FOXP4: variants seen among roughly 807,000 people sequenced by gnomAD.
FOXP4 encodes forkhead box P4, also known as forkhead box protein P4.
FOXP4 carries 25 observed loss-of-function variants against 82.6 expected under a neutral mutation model. The ratio of observed to expected loss-of-function variants is 0.30; its 90% CI spans 0.22 to 0.42. FOXP4 has a LOEUF of 0.42. FOXP4 is among the 10% of genes least tolerant of loss of function. The probability of loss-of-function intolerance (pLI) is 1.00; values close to 1 mark genes in which losing one functional copy is unlikely to be tolerated. For missense variants in FOXP4, 785 were observed against 900.9 expected (o/e 0.87, Z 1.65); for synonymous variants, 415 against 388.2 (o/e 1.07, Z -0.81).
Position 41,601,241 on chromosome 6 carries a change from C to T in FOXP4, c.*2305C>T, listed in dbSNP as rs1489606502. The T allele has an allele frequency of 1.4e-5, 2 of 147,380 alleles. No individual in the cohort carries two copies. Among genetic ancestry groups the T allele is most frequent in the Non-Finnish European group, 3.0e-5 (2 of 65,736 alleles). 9.1% of individuals were successfully genotyped at this position (147,380 alleles called of 1,614,324 possible). A position where few individuals can be genotyped will look rare whatever the true frequency, so the allele number is the denominator to read the frequency against. On this transcript the variant is annotated 3_prime_UTR_variant, in exon 17 of 17. Coordinates refer to ENST00000307972, the MANE Select transcript of FOXP4 (RefSeq NM_001012426.2). ...GGCTCACGGCGGAAACGGGATCATT[C>T]AACCTATACAAAGGGGACCCTGGAT...
intron 14 of FOXP4, among the ~76,000 whole-genome samples, chr6:41,595,608 T>C (rs997045272): frequency 1.1e-4 from 16 of 152,154 alleles, no homozygotes; most frequent in African/African-American, 3.4e-4. Flanking sequence ...ATTTTATTCA[T>C]TTATTTTTTT....
At chr6:41,576,576 A>G (rs1765501013) in intron 2 of FOXP4, among the ~76,000 whole-genome samples, 1 of 152,210 alleles carries the variant, frequency 6.6e-6, no homozygotes, top group Admixed American at 6.5e-5. Context: ...ATTTCGTCTA[A>G]TAAGTGCGCA....
In FOXP4 at chr6:41,571,573, CTG is replaced by C. The variant is rs529221696; in HGVS notation, c.204+5612_204+5613del. The stretch of plus-strand genomic sequence containing the variant: ...CCCACCCACGTGGGCCTGTCTGTGT[CTG>C]TGCGTTGCTGGTTTTCATTTTAATG... On this transcript the variant is annotated intron_variant, in intron 2 of 16. Transcript: ENST00000307972. 4.9e-4 allele frequency among the ~76,000 whole-genome samples: 74 copies of C among 152,338 alleles called. 1 individual carries two copies. The highest frequency in any genetic ancestry group is 4.1e-3 in the South Asian group (20 of 4,828).
At chr6:41,567,745 A>G (rs1260144676) in intron 2 of FOXP4, among the ~76,000 whole-genome samples, 2 of 152,230 alleles carry the variant, frequency 1.3e-5, no homozygotes, top group Non-Finnish European at 2.9e-5. Context: ...TGTACTGATC[A>G]GGTTTCTTGG....
At chr6:41,580,044 C>CT (rs10644693) in intron 3 of FOXP4, among the ~76,000 whole-genome samples, 25,244 of 131,888 alleles carry the variant, frequency 0.19, 2,925 homozygotes, top group African/African-American at 0.28. Context: ...AGAACTCACA[C>CT]TTTTTTTTTT....
chr6:41,576,418 T>C (rs1247171582), intron 2 of FOXP4, among the ~76,000 whole-genome samples: 3 of 152,100 alleles, frequency 2.0e-5, no homozygotes, highest in African/African-American at 7.2e-5. Context: ...TCTCTTTGCT[T>C]GTTGAGCGAT....
At position 41,565,729 on chromosome 6, in the gene FOXP4, T is replaced by C; in HGVS notation, c.-16-16T>C. 6.4e-7 allele frequency: 1 copy of C among 1,564,332 alleles called. No homozygotes were observed. The highest frequency in any genetic ancestry group is 8.7e-7 in the Non-Finnish European group (1 of 1,149,372). On this transcript the variant is annotated splice_polypyrimidine_tract_variant and intron_variant, in intron 1 of 16. Coordinates refer to ENST00000307972, the MANE Select transcript of FOXP4 (RefSeq NM_001012426.2). ...TCAGCCTCAGCCTCTCCCCTGTGTC[T>C]CTCTTCCTCCTCCAGGTACCGCTAG...
At position 41,598,578 on chromosome 6, in the gene FOXP4, C is replaced by G; in HGVS notation, c.1896-211C>G. 4.5e-6 allele frequency: 3 copies of G among 659,468 alleles called. No individual in the cohort carries two copies. The South Asian group carries it at 6.0e-5, about 13-fold the overall frequency. 40.9% of individuals were successfully genotyped at this position (659,468 alleles called of 1,614,324 possible). ...CATCTCCCCTCTGCTCCCCTCTTCT[C>G]TCCTCCCCAACCCAGAGCAGTCTCT... is the stretch of plus-strand genomic sequence containing the variant. On this transcript the variant is annotated intron_variant, in intron 16 of 16. Coordinates refer to ENST00000307972, the MANE Select transcript of FOXP4 (RefSeq NM_001012426.2).
At chr6:41,586,701 C>T (rs1337715805) in intron 5 of FOXP4, among the ~76,000 whole-genome samples, 2 of 152,184 alleles carry the variant, frequency 1.3e-5, no homozygotes, top group South Asian at 2.1e-4. Context: ...TGCACAGCTG[C>T]GGTGCAGGGA....
In FOXP4 at chr6:41,598,874, G is replaced by T. The variant is rs750671792; in HGVS notation, c.1981G>T (p.Ala661Ser). The T allele has an allele frequency of 6.2e-7, 1 of 1,601,470 alleles. No individual in the cohort carries two copies. The highest frequency in any genetic ancestry group is 2.3e-5 in the East Asian group (1 of 44,398). The change falls in exon 17 of 17, where the codon GCC becomes TCC. Residue 661 changes from alanine (A) to serine (S), a missense_variant. By Grantham distance (99) the Ala-to-Ser change is moderately conservative (BLOSUM62 1). Transcript: ENST00000307972. ...TCCCCTGGGCGCCCCTAACCCCAGC[G>T]CCTCGGGGCCTCCGGAAGACAGGGA... Reference protein sequence around the residue: ...GPPLGAPNPSASGPPEDRDLE... With the variant: ...GPPLGAPNPSSSGPPEDRDLE...
rs543564911 is a variant in FOXP4 at position 41,551,770 on chromosome 6, G to A, written c.-17+4903G>A. 7.2e-5 allele frequency among the ~76,000 whole-genome samples: 11 copies of A among 152,268 alleles called. 1 individual carries two copies. The highest frequency in any genetic ancestry group is 3.3e-4 in the Admixed American group (5 of 15,292). ...AGCAAAGGGGTGGCAAAATGATGGC[G>A]ACTTGAAGGTAGGGTGGCTTAGGGA... On this transcript the variant is annotated intron_variant, in intron 1 of 16. Transcript: ENST00000307972.
At chr6:41,569,285 G>C (rs959597664) in intron 2 of FOXP4, among the ~76,000 whole-genome samples, 2 of 152,160 alleles carry the variant, frequency 1.3e-5, no homozygotes, top group African/African-American at 4.8e-5. Flanking sequence ...AGCTGGCATT[G>C]GTGATCCCCA....
chr6:41,587,932 T>G, intron 8 of FOXP4, 35 bp downstream of exon 8: 1 of 1,162,122 alleles, frequency 8.6e-7, no homozygotes, highest in Admixed American at 2.2e-5. Flanking sequence ...CCCAGCAGCC[T>G]TTCCCCACAG....
At chr6:41,568,392 A>G (rs1765001713) in intron 2 of FOXP4, among the ~76,000 whole-genome samples, 2 of 151,972 alleles carry the variant, frequency 1.3e-5, no homozygotes, top group African/African-American at 2.4e-5. Flanking sequence ...GGCTGCGTAG[A>G]CCTCACTCTC....
chr6:41,598,580 C>T (rs1420460395), intron 16 of FOXP4: 2 of 663,578 alleles, frequency 3.0e-6, no homozygotes, highest in African/African-American at 3.7e-5. Flanking sequence ...CCTCTTCTCT[C>T]CTCCCCAACC....
At chr6:41,585,341 T>C in intron 4 of FOXP4, 90 bp from the exon 5 acceptor site, 1 of 1,326,746 alleles carries the variant, frequency 7.5e-7, no homozygotes, top group African/African-American at 1.5e-5. Flanking sequence ...GAAACTCCCT[T>C]CTCCTGCCCC....
chr6:41,548,792 C>G (rs975830043), intron 1 of FOXP4, among the ~76,000 whole-genome samples: 1 of 151,900 alleles, frequency 6.6e-6, no homozygotes, highest in African/African-American at 2.4e-5. Context: ...TGCCCGCCCC[C>G]GCGGAAAACC....
Position 41,593,415 on chromosome 6 carries a change from C to A in FOXP4, c.1537-1455C>A, listed in dbSNP as rs1483534485. 3.3e-5 allele frequency among the ~76,000 whole-genome samples: 5 copies of A among 152,192 alleles called. No homozygotes were observed. The highest frequency in any genetic ancestry group is 5.9e-5 in the Non-Finnish European group (4 of 68,042). On this transcript the variant is annotated intron_variant, in intron 13 of 16. Transcript: ENST00000307972. This position sits in a 1 kb window ranked among gnomAD's most constrained non-coding sequence, Gnocchi z 4.1. ...CTTGCTGGCCCTCCCCGTGTCCATC[C>A]CCTCCCAAGGCCCGTGTTGTGGGCC...
Position 41,597,765 on chromosome 6 carries a change from CCCT to C in FOXP4, c.1726-15_1726-13del. The C allele has an allele frequency of 6.2e-7, 1 of 1,603,880 alleles. No individual in the cohort carries two copies. The highest frequency in any genetic ancestry group is 2.2e-5 in the East Asian group (1 of 44,760). On this transcript the variant is annotated splice_polypyrimidine_tract_variant and intron_variant, in intron 15 of 16. Transcript: ENST00000307972. ...CTGTGGAGCCACTGACGAGGCCCAACCCTGTGCCCCTGCAGGCCGCCCTGGCCG... is the reference window on the plus strand; with the variant it reads ...CTGTGGAGCCACTGACGAGGCCCAACGTGCCCCTGCAGGCCGCCCTGGCCG...
Sources: allele counts gnomAD v4.1 joint callset (sites outside exome capture counted in the v4.1 genomes callset), GRCh38; gene constraint gnomAD v4.1.1; non-coding constraint Gnocchi (gnomAD v3.1); transcripts MANE v1.5; gene names NCBI Gene and HGNC (gene_info 2026-07-23, HGNC 2026-07-21).